Variants in ARHGEF7 observed in about 807,000 individuals in gnomAD.
ARHGEF7 encodes the protein Rho guanine nucleotide exchange factor 7, also known as PAK-interacting exchange factor beta.
ARHGEF7 carries 33 observed loss-of-function variants against 109.8 expected under a neutral mutation model. The observed-to-expected ratio is 0.30, with a 90% CI of 0.23 to 0.40. The LOEUF (loss-of-function observed/expected upper bound fraction) is 0.40, where lower values mean the gene tolerates loss of function less well. Among genes scored for constraint, ARHGEF7 ranks in the 10% least tolerant of loss-of-function variants. ARHGEF7 has a pLI of 1.00. For missense variants in ARHGEF7, 938 were observed against 1,098.5 expected (o/e 0.85, Z 2.07); for synonymous variants, 458 against 424.6 (o/e 1.08, Z -0.97).
At chr13:111,229,644 G>C in intron 5 of ARHGEF7, among the ~76,000 whole-genome samples, 1 of 152,184 alleles carries the variant, frequency 6.6e-6, no homozygotes, top group South Asian at 2.1e-4. Flanking sequence ...AGTACCTTCT[G>C]TGGCTGATAC....
intron 2 of ARHGEF7, chr13:111,202,974 C>A (rs1205226828): frequency 6.5e-6 from 5 of 771,892 alleles, no homozygotes; most frequent in Non-Finnish European, 8.8e-6. Flanking sequence ...ATATTGAAGC[C>A]CATTGGTGGG....
rs939902974 is a variant in ARHGEF7, at chr13:111,145,721, T to C, written c.166-8184T>C. On this transcript the variant is annotated intron_variant, in intron 1 of 21. Coordinates refer to ENST00000646102, the MANE Select transcript of ARHGEF7 (RefSeq NM_001354046.2). This position sits in a 1 kb window ranked among gnomAD's most constrained non-coding sequence, Gnocchi z 4.3. Reference sequence around the variant, plus strand: ...CCTGCTTCCTGCCAGGGCCTCCTATTGGCTCAACCCCACCAGAAGCCAGAG... The same window carrying C: ...CCTGCTTCCTGCCAGGGCCTCCTATCGGCTCAACCCCACCAGAAGCCAGAG... 5.3e-5 allele frequency among the ~76,000 whole-genome samples: 8 copies of C among 152,322 alleles called. No homozygotes were observed. Among genetic ancestry groups the C allele is most frequent in the Non-Finnish European group, 8.8e-5 (6 of 68,020 alleles).
rs147733049 is a variant in ARHGEF7 at position 111,193,631 on chromosome 13, G to A, written c.253-11658G>A. Among the ~76,000 whole-genome samples the A allele has an allele frequency of 7.2e-5, 11 of 152,288 alleles. No individual in the cohort carries two copies. The East Asian group carries it at 1.7e-3, about 24-fold the overall frequency. On this transcript the variant is annotated intron_variant, in intron 2 of 21. Coordinates refer to ENST00000646102, the MANE Select transcript of ARHGEF7 (RefSeq NM_001354046.2). The stretch of plus-strand genomic sequence containing the variant: ...TTTCCCTTTCCCAATTCCAAGTCTC[G>A]GTTAAGTGCCACTAGTTCTTCTAAC...
At chr13:111,121,024 G>A (rs1410389615) in intron 1 of ARHGEF7, among the ~76,000 whole-genome samples, 1 of 152,250 alleles carries the variant, frequency 6.6e-6, no homozygotes, top group Non-Finnish European at 1.5e-5. Flanking sequence ...GACGGAGGCA[G>A]CAGTGTAACT....
chr13:111,145,982 G>C lies in ARHGEF7; in HGVS notation c.166-7923G>C, dbSNP rs1000565121. 3.3e-5 allele frequency among the ~76,000 whole-genome samples: 5 copies of C among 152,206 alleles called. No homozygotes were observed. Among genetic ancestry groups the C allele is most frequent in the Non-Finnish European group, 5.9e-5 (4 of 68,038 alleles). On this transcript the variant is annotated intron_variant, in intron 1 of 21. Coordinates refer to ENST00000646102, the MANE Select transcript of ARHGEF7 (RefSeq NM_001354046.2). The surrounding 1 kb of genome is among the most constrained non-coding windows in gnomAD (Gnocchi z 4.3). ...AGTGAGTTAGGTCATTTAGTGCACA[G>C]TTGCTGACTGTTTAACATGAGACAT... is the stretch of plus-strand genomic sequence containing the variant.
rs1390024782 is a variant in ARHGEF7 at position 111,252,859 on chromosome 13, T to G, written c.950+8565T>G. Among the ~76,000 whole-genome samples, 4 of 152,230 alleles carry G rather than the reference T, an allele frequency of 2.6e-5. No individual in the cohort carries two copies. The East Asian group carries it at 5.8e-4, about 22-fold the overall frequency. On this transcript the variant is annotated intron_variant, in intron 8 of 21. Coordinates refer to ENST00000646102, the MANE Select transcript of ARHGEF7 (RefSeq NM_001354046.2). ...AGGTTGTCTTCATTCGAGGTATGTA[T>G]GTGAAAGGTTGATTCTGAGAGTCCC...
intron 2 of ARHGEF7, among the ~76,000 whole-genome samples, chr13:111,156,454 A>G (rs139253410): frequency 4.7e-4 from 71 of 152,382 alleles, no homozygotes; most frequent in African/African-American, 1.6e-3. Flanking sequence ...TGTGAGTCAC[A>G]CTTGTAATTA....
At chr13:111,156,965 A>T (rs1454791161) in intron 2 of ARHGEF7, among the ~76,000 whole-genome samples, 1 of 152,204 alleles carries the variant, frequency 6.6e-6, no homozygotes, top group Non-Finnish European at 1.5e-5. Flanking sequence ...ATTTACTGTC[A>T]GTTTAAGCTC....
At position 111,221,313 on chromosome 13, in the gene ARHGEF7, ATATATAGATATATATGTC is replaced by A. The variant is rs2083954393; in HGVS notation, c.670+3440_670+3457del. On this transcript the variant is annotated intron_variant, in intron 5 of 21. Transcript: ENST00000646102. ...TAGATATATATGTCTATATATATCTATATATAGATATATATGTCTATATATATCTATATATATGTCTAT... is the reference window on the plus strand; with the variant it reads ...TAGATATATATGTCTATATATATCTATATATATATCTATATATATGTCTAT... Among the ~76,000 whole-genome samples the A allele has an allele frequency of 1.9e-4, 4 of 20,730 alleles. 1 individual carries two copies. Among genetic ancestry groups the A allele is most frequent in the Non-Finnish European group, 4.1e-4 (4 of 9,770 alleles). 13.6% of individuals were successfully genotyped at this position (20,730 alleles called of 152,430 possible).
intron 5 of ARHGEF7, among the ~76,000 whole-genome samples, chr13:111,221,564 T>G (rs1389659744): frequency 1.2e-5 from 1 of 83,302 alleles, no homozygotes. Context: ...TATATCTATA[T>G]ATATAGATAC....
intron 16 of ARHGEF7, among the ~76,000 whole-genome samples, chr13:111,283,879 C>T (rs775341677): frequency 3.9e-5 from 6 of 152,038 alleles, no homozygotes; most frequent in Non-Finnish European, 8.8e-5. Flanking sequence ...AATCATGATG[C>T]GGTCTTTGCT....
At position 111,266,683 on chromosome 13, in the gene ARHGEF7, T is replaced by C. The variant is rs147099667; in HGVS notation, c.951-865T>C. ...TTTCTGTAGGAATCCCTGGTGTTCATGTTTTTGGTCACTTTTTCTCTGGCT... is the reference window on the plus strand; with the variant it reads ...TTTCTGTAGGAATCCCTGGTGTTCACGTTTTTGGTCACTTTTTCTCTGGCT... On this transcript the variant is annotated intron_variant, in intron 8 of 21. Transcript: ENST00000646102. This position sits in a 1 kb window ranked among gnomAD's most constrained non-coding sequence, Gnocchi z 4.8. 2.8e-4 allele frequency: 111 copies of C among 396,888 alleles called. No individual in the cohort carries two copies. The highest frequency in any genetic ancestry group is 2.1e-3 in the African/African-American group (103 of 48,784). The allele number at this position is 396,888 out of a possible 1,614,324, so 24.6% of individuals were successfully genotyped here.
At chr13:111,221,456 G>GATAT (rs374408200) in intron 5 of ARHGEF7, among the ~76,000 whole-genome samples, 1 of 71,566 alleles carries the variant, frequency 1.4e-5, no homozygotes, top group African/African-American at 6.2e-5. Context: ...TATATATATA[G>GATAT]ATATATAGAC....
chr13:111,116,004 TCCGCGTGGGGGGCCGGCC>T (rs1332440774), intron 1 of ARHGEF7, among the ~76,000 whole-genome samples: 1 of 148,578 alleles, frequency 6.7e-6, no homozygotes, highest in Admixed American at 6.6e-5. Context: ...AAGTTGCCCC[TCCGCGTGGGGGGCCGGCC>T]CCGCTCCCTG....
chr13:111,221,201 ATATAGATATATATGTCTATATATATC>A lies in ARHGEF7; in HGVS notation c.670+3326_670+3351del, dbSNP rs1355050992. ...TAGATATATATGTCTATATATATCT[ATATAGATATATATGTCTATATATATC>A]TATATAGATATATATGTCTATATAT... On this transcript the variant is annotated intron_variant, in intron 5 of 21. Transcript: ENST00000646102. 2.2e-3 allele frequency among the ~76,000 whole-genome samples: 149 copies of A among 69,114 alleles called. 32 individuals are homozygous for A. Among genetic ancestry groups the A allele is most frequent in the African/African-American group, 9.2e-3 (144 of 15,706 alleles). The allele number at this position is 69,114 out of a possible 152,430, so 45.3% of individuals were successfully genotyped here. A position where few individuals can be genotyped will look rare whatever the true frequency, so the allele number is the denominator to read the frequency against.
intron 1 of ARHGEF7, among the ~76,000 whole-genome samples, chr13:111,153,310 A>G (rs1371658136): frequency 6.6e-6 from 1 of 152,158 alleles, no homozygotes; most frequent in Non-Finnish European, 1.5e-5. Flanking sequence ...TGGCGCCAAG[A>G]GGCGGCGGTG....
chr13:111,197,446 T>C (rs2080664258), intron 2 of ARHGEF7, among the ~76,000 whole-genome samples: 1 of 152,220 alleles, frequency 6.6e-6, no homozygotes, highest in Non-Finnish European at 1.5e-5. Context: ...AAATCAGATT[T>C]AATGACCCTT....
chr13:111,153,688 A>G (rs775113305), intron 1 of ARHGEF7: 122 of 1,259,288 alleles, frequency 9.7e-5, no homozygotes, highest in Non-Finnish European at 1.1e-4. Context: ...GGGAAGGGGC[A>G]GAGATTGGTG....
chr13:111,233,982 G>T (rs765951814), intron 6 of ARHGEF7, among the ~76,000 whole-genome samples: 3 of 152,116 alleles, frequency 2.0e-5, no homozygotes, highest in Non-Finnish European at 4.4e-5. Flanking sequence ...TTATTTTAAA[G>T]AATTTATTAA....
Sources: allele counts gnomAD v4.1 joint callset (sites outside exome capture counted in the v4.1 genomes callset), GRCh38; gene constraint gnomAD v4.1.1; non-coding constraint Gnocchi (gnomAD v3.1); transcripts MANE v1.5; gene names NCBI Gene and HGNC (gene_info 2026-07-23, HGNC 2026-07-21).